The following TRIM36 variants were observed in gnomAD, a reference collection of about 807,000 sequenced individuals.
TRIM36 encodes tripartite motif containing 36.
In TRIM36, 42 loss-of-function variants were observed where a neutral mutation model predicts 72.4. That is an observed-to-expected ratio of 0.58 (90% CI 0.45 to 0.75). The LOEUF (loss-of-function observed/expected upper bound fraction) is 0.75. Ranked by LOEUF, TRIM36 falls within the 30% of genes least tolerant of loss-of-function variation. The pLI, the probability that TRIM36 is intolerant of heterozygous loss-of-function variation, is 0.00. For missense variants in TRIM36, 913 were observed against 857.1 expected, an observed-to-expected ratio of 1.07 and a Z score of -0.81; for synonymous variants, 315 against 282.8, an observed-to-expected ratio of 1.11 and a Z score of -1.14.
At chr5:115,170,074 G>T, upstream of TRIM36, 1 of 715,562 alleles carries the variant, frequency 1.4e-6, no homozygotes, top group Non-Finnish European at 1.7e-6. Flanking sequence ...GGACTCGGCT[G>T]GGCGTGGGTG....
intron 1 of TRIM36, chr5:115,177,955 T>C (rs1755420182): frequency 2.8e-6 from 4 of 1,419,736 alleles, no homozygotes; most frequent in Middle Eastern, 1.8e-4. Context: ...TTTTTCATTA[T>C]AGTGAGCATA....
Position 115,133,935 on chromosome 5 carries a change from T to G in TRIM36, c.1423A>C (p.Arg475=), listed in dbSNP as rs1390657801. The G allele has an allele frequency of 1.9e-6, 3 of 1,613,674 alleles. No individual in the cohort carries two copies. Among genetic ancestry groups the G allele is most frequent in the Non-Finnish European group, 2.5e-6 (3 of 1,179,852 alleles). ...DLENSSTYAF[R]VRAYKGSICS... The stretch of plus-strand genomic sequence containing the variant: ...ATTGAACCCTTGTAAGCTCTTACTC[T>G]GAAAGCATAGGTACTACTGTTTTCC... The change falls in exon 8 of 10, where the codon AGA becomes CGA. Residue 475 remains arginine (R), a synonymous_variant. Transcript: ENST00000513154.
chr5:115,169,343 G>A (rs1010887882), intron 1 of TRIM36, among the ~76,000 whole-genome samples: 2 of 152,256 alleles, frequency 1.3e-5, no homozygotes, highest in African/African-American at 4.8e-5. Context: ...ATTCCCCCGA[G>A]GTGCTCAGGT....
In TRIM36 at chr5:115,125,510, T is replaced by A. The variant is rs1752327226; in HGVS notation, c.*993A>T. The A allele has an allele frequency of 6.6e-6, 1 of 151,706 alleles. No individual in the cohort carries two copies. Among genetic ancestry groups the A allele is most frequent in the East Asian group, 1.9e-4 (1 of 5,200 alleles). The allele number at this position is 151,706 out of a possible 1,614,324, so 9.4% of individuals were successfully genotyped here. A position where few individuals can be genotyped will look rare whatever the true frequency, so the allele number is the denominator to read the frequency against. ...TTAAATGTTACAAAAATTTATAATA[T>A]ATGTAACGCTACTAAAATATATAAT... On this transcript the variant is annotated 3_prime_UTR_variant, in exon 10 of 10. Transcript: ENST00000513154.
At chr5:115,144,806 C>A (rs1162164083) in intron 3 of TRIM36, 62 bp from the exon 4 acceptor site, 5 of 1,501,078 alleles carry the variant, frequency 3.3e-6, no homozygotes, top group East Asian at 4.9e-5. Flanking sequence ...TAACAAATTA[C>A]CAAAATACAA....
intron 6 of TRIM36, 50 bp downstream of exon 6, chr5:115,137,313 T>C (rs772750943): frequency 5.1e-6 from 8 of 1,558,844 alleles, no homozygotes; most frequent in South Asian, 1.3e-5. Context: ...CACAGCAGCA[T>C]TTAATAACAT....
chr5:115,138,360 A>G (rs1284039072), intron 5 of TRIM36, among the ~76,000 whole-genome samples: 1 of 152,038 alleles, frequency 6.6e-6, no homozygotes, highest in Non-Finnish European at 1.5e-5. Flanking sequence ...CGGCCTCCCA[A>G]AGTGTTGGGA....
At chr5:115,136,881 T>C (rs764411575) in intron 7 of TRIM36, 119 bp downstream of exon 7, 34 of 924,212 alleles carry the variant, frequency 3.7e-5, no homozygotes, top group African/African-American at 6.8e-5. Flanking sequence ...GATGCTGTGA[T>C]AGTCCTGGGC....
Position 115,163,566 on chromosome 5 carries a change from G to A in TRIM36, c.214C>T (p.Arg72Trp), listed in dbSNP as rs767008678. Residue 72 changes from arginine (R) to tryptophan (W), a missense_variant, in exon 2 of 10, where the codon CGG becomes TGG. Physicochemically the swap from Arg to Trp is moderately radical, Grantham distance 101. Transcript: ENST00000513154. ...DNSNQSSPRL[R>W]LPSPSMDKID... is the part of the protein sequence containing the mutation. ...TTATCCATACTAGGGGAGGGGAGCC[G>A]AAGTCGAGGACTGCTTTGATTGGAG... 3.7e-5 allele frequency: 59 copies of A among 1,614,034 alleles called. No homozygotes were observed. The highest frequency in any genetic ancestry group is 1.3e-4 in the South Asian group (12 of 91,092).
chr5:115,131,003 G>A (rs1488540254), intron 8 of TRIM36, 114 bp from the exon 9 acceptor site: 2 of 1,189,794 alleles, frequency 1.7e-6, no homozygotes, highest in East Asian at 5.1e-5. Context: ...CGGGAAGGAG[G>A]TGTCACACTA....
At chr5:115,143,811 A>G (rs561708620) in intron 4 of TRIM36, among the ~76,000 whole-genome samples, 2 of 152,254 alleles carry the variant, frequency 1.3e-5, no homozygotes, top group Non-Finnish European at 2.9e-5. Flanking sequence ...GTTGTTGATT[A>G]TGAAATTTGA....
chr5:115,162,323 T>C (rs1754527951), intron 2 of TRIM36, among the ~76,000 whole-genome samples: 1 of 152,240 alleles, frequency 6.6e-6, no homozygotes, highest in South Asian at 2.1e-4. Flanking sequence ...GGAGCTCATA[T>C]TCCAAAAGAC....
chr5:115,169,360 C>T (rs1238809270), intron 1 of TRIM36, among the ~76,000 whole-genome samples: 1 of 152,254 alleles, frequency 6.6e-6, no homozygotes, highest in Non-Finnish European at 1.5e-5. Context: ...AGGTGGGCAA[C>T]CATCGGATTT....
intron 1 of TRIM36, among the ~76,000 whole-genome samples, chr5:115,167,166 A>G (rs1754825508): frequency 6.6e-6 from 1 of 152,204 alleles, no homozygotes; most frequent in Admixed American, 6.5e-5. Context: ...GGATCCTGTG[A>G]TACCGAGGCT....
chr5:115,139,280 C>G (rs1753145144), intron 5 of TRIM36, among the ~76,000 whole-genome samples: 1 of 151,972 alleles, frequency 6.6e-6, no homozygotes, highest in African/African-American at 2.4e-5. Flanking sequence ...ACCACCAGGC[C>G]AGGCTAATTT....
At position 115,137,044 on chromosome 5, in the gene TRIM36, G is replaced by A; in HGVS notation, c.1166C>T (p.Ser389Phe). The change falls in exon 7 of 10, where the codon TCT (serine) becomes TTT (phenylalanine). Residue 389 changes from serine (S) to phenylalanine (F), a missense_variant. Physicochemically the swap from Ser to Phe is radical, Grantham distance 155. Transcript: ENST00000513154. ...TTCTCCAAGAAGTTCTGTTTGTTTA[G>A]AGGTATTAACAACATAGTCTTCAAA... is the stretch of plus-strand genomic sequence containing the variant. The part of the protein sequence containing the change: ...TSFEDYVVNT[S>F]KQTELLGELS... 1 of 1,610,208 alleles carries A rather than the reference G, an allele frequency of 6.2e-7. No homozygotes were observed. Among genetic ancestry groups the A allele is most frequent in the Non-Finnish European group, 8.5e-7 (1 of 1,178,652 alleles).
intron 2 of TRIM36, among the ~76,000 whole-genome samples, chr5:115,162,342 T>C (rs1237110827): frequency 2.6e-5 from 4 of 152,218 alleles, no homozygotes; most frequent in African/African-American, 7.2e-5. Context: ...ACAAATGCCA[T>C]TATTACTGAA....
At chr5:115,170,216 G>C (rs1755036319), upstream of TRIM36, among the ~76,000 whole-genome samples, 1 of 151,236 alleles carries the variant, frequency 6.6e-6, no homozygotes. Context: ...AGTGAGGGCA[G>C]CGGGGAGCGG....
intron 2 of TRIM36, among the ~76,000 whole-genome samples, chr5:115,158,069 T>C (rs1754278087): frequency 6.6e-6 from 1 of 151,892 alleles, no homozygotes; most frequent in Admixed American, 6.6e-5. Context: ...ACTGAAGAAC[T>C]TACTCATGTA....
Sources: allele counts gnomAD v4.1 joint callset (sites outside exome capture counted in the v4.1 genomes callset), GRCh38; gene constraint gnomAD v4.1.1; transcripts MANE v1.5; gene names NCBI Gene and HGNC (gene_info 2026-07-23, HGNC 2026-07-21).